Variants in SPMAP2L observed in about 807,000 individuals in gnomAD.
The protein encoded by SPMAP2L is sperm microtubule associated protein 2-like.
At chr4:56,624,952 T>G in the SPMAP2L span, among the ~76,000 whole-genome samples, 1 of 152,048 alleles carries the variant, frequency 6.6e-6, no homozygotes, top group African/African-American at 2.4e-5. Context: ...GAATGGTAGA[T>G]CCACCAACAG....
At chr4:56,582,432 C>G in the SPMAP2L span, among the ~76,000 whole-genome samples, 128 of 152,076 alleles carry the variant, frequency 8.4e-4, 2 homozygotes, top group Middle Eastern at 3.4e-3. Context: ...TACAAATAGA[C>G]AAGAAGCATA....
the SPMAP2L span, among the ~76,000 whole-genome samples, chr4:56,591,581 T>C: frequency 6.6e-6 from 1 of 152,212 alleles, no homozygotes; most frequent in South Asian, 2.1e-4. Context: ...CTGTCAGTGT[T>C]AGTATCATCA....
chr4:56,575,531 G>A, the SPMAP2L span: 2 of 1,535,446 alleles, frequency 1.3e-6, no homozygotes, highest in Non-Finnish European at 1.7e-6. Context: ...AGCTGTGGAA[G>A]AGAGTCTGTA....
At chr4:56,611,378 G>A in the SPMAP2L span, among the ~76,000 whole-genome samples, 1 of 152,156 alleles carries the variant, frequency 6.6e-6, no homozygotes, top group African/African-American at 2.4e-5. Context: ...TAAGCTATGA[G>A]GATGCAAAGG....
the SPMAP2L span, chr4:56,594,971 G>A: frequency 3.0e-4 from 479 of 1,608,240 alleles, 1 homozygote; most frequent in South Asian, 4.1e-4. Flanking sequence ...GCCCATTGGC[G>A]TAAGAAATAC....
the SPMAP2L span, among the ~76,000 whole-genome samples, chr4:56,580,891 A>G: frequency 6.6e-6 from 1 of 152,222 alleles, no homozygotes; most frequent in Non-Finnish European, 1.5e-5. Flanking sequence ...AGTATCAAAA[A>G]GAACAAAATT....
At chr4:56,564,127 T>C in the SPMAP2L span, among the ~76,000 whole-genome samples, 1 of 120,860 alleles carries the variant, frequency 8.3e-6, no homozygotes. Context: ...AGCCACAATC[T>C]GTGGAATTTT....
At chr4:56,565,554 A>T in the SPMAP2L span, among the ~76,000 whole-genome samples, 1 of 152,238 alleles carries the variant, frequency 6.6e-6, no homozygotes, top group African/African-American at 2.4e-5. Flanking sequence ...AGATGCTCCC[A>T]GTCCCCTTTC....
chr4:56,538,330 A>T, the SPMAP2L span, among the ~76,000 whole-genome samples: 1 of 152,088 alleles, frequency 6.6e-6, no homozygotes, highest in Non-Finnish European at 1.5e-5. Context: ...TCTACCTGGC[A>T]TGCCTATTTT....
chr4:56,604,126 T>C, the SPMAP2L span, among the ~76,000 whole-genome samples: 5 of 152,324 alleles, frequency 3.3e-5, no homozygotes, highest in Admixed American at 2.0e-4. Flanking sequence ...TTTAACGTCT[T>C]TGTGTTACAG....
the SPMAP2L span, chr4:56,596,443 A>C: frequency 2.1e-6 from 3 of 1,431,020 alleles, no homozygotes; most frequent in South Asian, 4.6e-5. Flanking sequence ...GTAATCTTGA[A>C]CTAAATAGTG....
At chr4:56,612,229 C>G in the SPMAP2L span, among the ~76,000 whole-genome samples, 3 of 152,158 alleles carry the variant, frequency 2.0e-5, no homozygotes, top group Admixed American at 6.5e-5. Context: ...GCACTTTTGC[C>G]TTCCTGGATA....
the SPMAP2L span, among the ~76,000 whole-genome samples, chr4:56,605,658 T>C: frequency 2.6e-5 from 4 of 152,136 alleles, 1 homozygote; most frequent in Admixed American, 2.0e-4. Context: ...AATTGGCCCC[T>C]TAATTTACAA....
chr4:56,586,626 T>C, the SPMAP2L span, among the ~76,000 whole-genome samples: 1 of 152,352 alleles, frequency 6.6e-6, no homozygotes, highest in Middle Eastern at 3.4e-3. Context: ...GGAATATCTG[T>C]AGGAGTTCCT....
At chr4:56,531,121 T>C in the SPMAP2L span, 1 of 1,535,204 alleles carries the variant, frequency 6.5e-7, no homozygotes, top group Admixed American at 2.0e-5. Flanking sequence ...GATCTCCCCC[T>C]CTCTGATCAC....
At chr4:56,583,737 T>C in the SPMAP2L span, among the ~76,000 whole-genome samples, 1 of 152,166 alleles carries the variant, frequency 6.6e-6, no homozygotes, top group Admixed American at 6.5e-5. Context: ...CTGGAATTTT[T>C]ATTTCAGAGA....
At chr4:56,585,974 C>G in the SPMAP2L span, among the ~76,000 whole-genome samples, 10 of 152,156 alleles carry the variant, frequency 6.6e-5, no homozygotes, top group African/African-American at 2.4e-4. Flanking sequence ...AAACCATCCC[C>G]AAACTTAGTG....
the SPMAP2L span, among the ~76,000 whole-genome samples, chr4:56,577,186 T>A: frequency 6.6e-6 from 1 of 150,442 alleles, no homozygotes; most frequent in South Asian, 2.1e-4. Flanking sequence ...GGGTGGATCA[T>A]CTGAGGTCAG....
At chr4:56,608,533 A>G in the SPMAP2L span, among the ~76,000 whole-genome samples, 397 of 152,314 alleles carry the variant, frequency 2.6e-3, 1 homozygote, top group African/African-American at 8.9e-3. Context: ...AATGATTTCA[A>G]AGCAGGAGCA....
Sources: gnomAD v4.1 joint callset for allele counts (sites outside exome capture counted in the v4.1 genomes callset) on GRCh38, gnomAD v4.1.1 for gene constraint, MANE v1.5 for transcripts, NCBI Gene and HGNC (gene_info 2026-07-23, HGNC 2026-07-21) for gene names.